The following CTNNA3 variants were observed in gnomAD, a reference collection of about 807,000 sequenced individuals.
CTNNA3 encodes the protein catenin alpha 3.
In CTNNA3, 76 loss-of-function variants were observed where a neutral mutation model predicts 95.7. That is an observed-to-expected ratio of 0.79 (90% CI 0.66 to 0.96). The LOEUF is 0.96. CTNNA3 is among the 40% of genes least tolerant of loss of function. The probability of loss-of-function intolerance (pLI) is 0.00; values close to 1 mark genes in which losing one functional copy is unlikely to be tolerated. For missense variants in CTNNA3, 1,191 were observed against 1,089.8 expected (o/e 1.09, Z -1.31); for synonymous variants, 431 against 374.4 (o/e 1.15, Z -1.74).
intron 7 of CTNNA3, among the ~76,000 whole-genome samples, chr10:66,963,357 T>C (rs1849227562): frequency 6.6e-6 from 1 of 152,162 alleles, no homozygotes; most frequent in Admixed American, 6.6e-5. Context: ...AGTTATTTGC[T>C]TGTAGTATGG....
chr10:66,989,779 A>G (rs1284931637), intron 7 of CTNNA3, among the ~76,000 whole-genome samples: 3 of 152,136 alleles, frequency 2.0e-5, no homozygotes, highest in African/African-American at 7.2e-5. Flanking sequence ...GGATTATCAT[A>G]CTTGGCTGCT....
At chr10:67,543,993 C>G (rs1840762694) in intron 3 of CTNNA3, among the ~76,000 whole-genome samples, 1 of 152,098 alleles carries the variant, frequency 6.6e-6, no homozygotes, top group South Asian at 2.1e-4. Flanking sequence ...AGTTTGACTA[C>G]TAGGAGCAAA....
chr10:65,924,953 C>T (rs141411869), intron 17 of CTNNA3, among the ~76,000 whole-genome samples: 101 of 152,240 alleles, frequency 6.6e-4, no homozygotes, highest in African/African-American at 2.4e-3. Flanking sequence ...ATCATGAGAA[C>T]ATCATGGGAA....
At position 66,712,588 on chromosome 10, in the gene CTNNA3, TCTCC is replaced by T. The variant is rs199929239; in HGVS notation, c.1281+53672_1281+53675del. On this transcript the variant is annotated intron_variant, in intron 9 of 17. Coordinates refer to ENST00000433211, the MANE Select transcript of CTNNA3 (RefSeq NM_013266.4). ...CTCTCTCTTAATCGCTCTCACTCTC[TCTCC>T]CTCTCTCTCTCTCTCTCACACACAC... is the stretch of plus-strand genomic sequence containing the variant. 4.0e-5 allele frequency among the ~76,000 whole-genome samples: 6 copies of T among 149,774 alleles called. No individual in the cohort carries two copies. The East Asian group carries it at 5.9e-4, about 15-fold the overall frequency.
intron 3 of CTNNA3, among the ~76,000 whole-genome samples, chr10:67,562,768 G>C (rs1445866013): frequency 6.6e-6 from 1 of 152,152 alleles, no homozygotes; most frequent in African/African-American, 2.4e-5. Flanking sequence ...ATCTCCTTAA[G>C]CTGATAAGCA....
At chr10:66,416,536 A>C (rs2093147352) in intron 11 of CTNNA3, among the ~76,000 whole-genome samples, 1 of 128,536 alleles carries the variant, frequency 7.8e-6, no homozygotes, top group Admixed American at 7.8e-5. Flanking sequence ...TGAAAAATAG[A>C]GAATTTTTTT....
chr10:66,771,876 G>A (rs907061018), intron 8 of CTNNA3, among the ~76,000 whole-genome samples: 2 of 152,094 alleles, frequency 1.3e-5, no homozygotes, highest in African/African-American at 4.8e-5. Flanking sequence ...AATCATTGCT[G>A]TAATATGCAC....
chr10:66,267,577 C>T (rs2091186247), intron 13 of CTNNA3, among the ~76,000 whole-genome samples: 1 of 152,110 alleles, frequency 6.6e-6, no homozygotes, highest in African/African-American at 2.4e-5. Flanking sequence ...CATGACTCAA[C>T]CATGTTTGCG....
chr10:66,711,258 C>CAAAAAA lies in CTNNA3; in HGVS notation c.1281+55000_1281+55005dup, dbSNP rs56013857. Among the ~76,000 whole-genome samples, 20 of 118,138 alleles carry CAAAAAA rather than the reference C, an allele frequency of 1.7e-4. 1 individual carries two copies. The highest frequency in any genetic ancestry group is 2.8e-4 in the South Asian group (1 of 3,630). The allele number at this position is 118,138 out of a possible 152,430, so 77.5% of individuals were successfully genotyped here. A position where few individuals can be genotyped will look rare whatever the true frequency, so the allele number is the denominator to read the frequency against. The stretch of plus-strand genomic sequence containing the variant: ...TCAGCCTTTCACCGTGAACAAGAAA[C>CAAAAAA]AAAAAAAAAAAAAAAAAAGTAAGAA... On this transcript the variant is annotated intron_variant, in intron 9 of 17. Coordinates refer to ENST00000433211, the MANE Select transcript of CTNNA3 (RefSeq NM_013266.4).
At chr10:66,067,425 C>T (rs1215891476) in intron 15 of CTNNA3, among the ~76,000 whole-genome samples, 1 of 152,152 alleles carries the variant, frequency 6.6e-6, no homozygotes, top group African/African-American at 2.4e-5. Context: ...TTATTTGTCC[C>T]ATCATATTTC....
chr10:66,043,393 C>T (rs1310420763), intron 15 of CTNNA3, among the ~76,000 whole-genome samples: 1 of 152,222 alleles, frequency 6.6e-6, no homozygotes, highest in East Asian at 1.9e-4. Context: ...TGGAGTTACT[C>T]ATGTCTTTTT....
At chr10:66,973,742 G>C (rs1218618712) in intron 7 of CTNNA3, among the ~76,000 whole-genome samples, 1 of 152,026 alleles carries the variant, frequency 6.6e-6, no homozygotes, top group Non-Finnish European at 1.5e-5. Flanking sequence ...TCCTGCTTCA[G>C]CCTTCCCAGT....
intron 13 of CTNNA3, among the ~76,000 whole-genome samples, chr10:66,184,473 G>C (rs1157069805): frequency 6.6e-6 from 1 of 151,938 alleles, no homozygotes; most frequent in Non-Finnish European, 1.5e-5. Flanking sequence ...ATCTACTGTT[G>C]TACAGTTCTA....
intron 6 of CTNNA3, among the ~76,000 whole-genome samples, chr10:67,189,605 T>A (rs1330142829): frequency 7.3e-6 from 1 of 137,754 alleles, no homozygotes; most frequent in Non-Finnish European, 1.6e-5. Flanking sequence ...TTCACTAATT[T>A]AAAAAATTTT....
intron 1 of CTNNA3, among the ~76,000 whole-genome samples, chr10:67,717,695 G>A (rs1042802022): frequency 6.6e-6 from 1 of 152,148 alleles, no homozygotes; most frequent in Non-Finnish European, 1.5e-5. Flanking sequence ...TTTGGTACCA[G>A]TACCACGTTG....
At chr10:66,267,249 C>T (rs1394767863) in intron 13 of CTNNA3, among the ~76,000 whole-genome samples, 1 of 152,080 alleles carries the variant, frequency 6.6e-6, no homozygotes, top group Non-Finnish European at 1.5e-5. Context: ...TTCTACTCCT[C>T]CTCCACCTGT....
Position 66,684,956 on chromosome 10 carries a change from T to TG in CTNNA3, c.1282-63173dup, listed in dbSNP as rs536020422. ...TGTTGGCATTTATTTTAAAAATAAG[T>TG]GAAAAAAAACTATAACCAATATGCA... On this transcript the variant is annotated intron_variant, in intron 9 of 17. Coordinates refer to ENST00000433211, the MANE Select transcript of CTNNA3 (RefSeq NM_013266.4). Among the ~76,000 whole-genome samples the TG allele has an allele frequency of 3.2e-4, 48 of 151,516 alleles. 1 individual carries two copies. In the South Asian group the frequency reaches 9.8e-3, roughly 31 times the overall value.
At chr10:66,536,527 A>G (rs1181761895) in intron 10 of CTNNA3, among the ~76,000 whole-genome samples, 1 of 151,908 alleles carries the variant, frequency 6.6e-6, no homozygotes, top group Non-Finnish European at 1.5e-5. Flanking sequence ...AATGTAGACA[A>G]ATAAAGAAAT....
chr10:66,193,931 T>C (rs2086812634), intron 13 of CTNNA3, among the ~76,000 whole-genome samples: 1 of 152,174 alleles, frequency 6.6e-6, no homozygotes, highest in Admixed American at 6.5e-5. Context: ...CACAGCCAAA[T>C]AGCACTTGGA....
Sources: allele counts gnomAD v4.1 joint callset (sites outside exome capture counted in the v4.1 genomes callset), GRCh38; gene constraint gnomAD v4.1.1; transcripts MANE v1.5; gene names NCBI Gene and HGNC (gene_info 2026-07-23, HGNC 2026-07-21).